Variants in PPP5C observed in about 807,000 individuals in gnomAD.
PPP5C encodes the protein protein phosphatase 5 catalytic subunit, also known as serine/threonine-protein phosphatase 5.
A neutral mutation model predicts 66.7 loss-of-function variants in PPP5C; 21 were observed. The ratio of observed to expected loss-of-function variants is 0.31; its 90% CI spans 0.22 to 0.45. The LOEUF (loss-of-function observed/expected upper bound fraction) is 0.45, where lower values mean the gene tolerates loss of function less well. PPP5C is among the 20% of genes least tolerant of loss of function. The pLI is 1.00. For missense variants in PPP5C, 464 were observed against 675.9 expected, an observed-to-expected ratio of 0.69 and a Z score of 3.48; for synonymous variants, 246 against 257.4, an observed-to-expected ratio of 0.96 and a Z score of 0.43.
chr19:46,361,589 TAAAAAAA>T (rs935838226), intron 2 of PPP5C, among the ~76,000 whole-genome samples: 22 of 85,272 alleles, frequency 2.6e-4, no homozygotes, highest in South Asian at 9.0e-4. Context: ...TACTAAAAAT[TAAAAAAA>T]AAAAAAAAAA....
intron 2 of PPP5C, among the ~76,000 whole-genome samples, chr19:46,357,976 G>A (rs2147367279): frequency 6.6e-6 from 1 of 152,266 alleles, no homozygotes; most frequent in African/African-American, 2.4e-5. Flanking sequence ...GTTGGAGGGT[G>A]GGGCTGAAAC....
chr19:46,390,302 C>T lies in PPP5C; in HGVS notation c.1456C>T (p.Pro486Ser). 6.3e-7 allele frequency: 1 copy of T among 1,590,848 alleles called. No homozygotes were observed. The highest frequency in any genetic ancestry group is 8.6e-7 in the Non-Finnish European group (1 of 1,168,492). Residue 486 changes from proline (P) to serine (S), a missense_variant, in exon 13 of 13, where the codon CCC becomes TCC. Around this residue, in one of 2 missense-constraint regions of PPP5C, gnomAD observed 387 missense variants for 626.0 expected, o/e 0.62. Transcript: ENST00000012443. ...FTAVPHPNVK[P>S]MAYANTLLQL... ...CCCACAGCCTCATCCCAACGTCAAGCCCATGGCCTATGCCAACACGCTGCT... is the reference window on the plus strand; with the variant it reads ...CCCACAGCCTCATCCCAACGTCAAGTCCATGGCCTATGCCAACACGCTGCT...
intron 2 of PPP5C, among the ~76,000 whole-genome samples, chr19:46,365,348 C>A (rs1365896775): frequency 6.6e-6 from 1 of 151,614 alleles, no homozygotes; most frequent in Non-Finnish European, 1.5e-5. Flanking sequence ...AAATGCCTGA[C>A]CTCAAGTGAT....
At chr19:46,373,341 C>T (rs1972629323) in intron 2 of PPP5C, among the ~76,000 whole-genome samples, 1 of 152,214 alleles carries the variant, frequency 6.6e-6, no homozygotes, top group African/African-American at 2.4e-5. Context: ...GGGTGGGTGA[C>T]TTCACCTCCC....
chr19:46,361,468 C>T (rs1456645331), intron 2 of PPP5C, among the ~76,000 whole-genome samples: 3 of 147,682 alleles, frequency 2.0e-5, no homozygotes, highest in Non-Finnish European at 3.0e-5. Flanking sequence ...CTACACCAGC[C>T]GGGCATGGTG....
chr19:46,357,754 T>C (rs1274536977), intron 2 of PPP5C, among the ~76,000 whole-genome samples: 2 of 152,216 alleles, frequency 1.3e-5, no homozygotes. Context: ...ACAGATGAGA[T>C]GCGCAGAGCA....
At chr19:46,361,651 C>G (rs12459580) in intron 2 of PPP5C, among the ~76,000 whole-genome samples, 79,253 of 146,924 alleles carry the variant, frequency 0.54, 21,544 homozygotes, top group South Asian at 0.74. Context: ...TGTAGTCCCA[C>G]CTACTCGGGA....
Position 46,349,290 on chromosome 19 carries a change from GA to G in PPP5C, c.121+2084del, listed in dbSNP as rs941979283. Among the ~76,000 whole-genome samples the G allele has an allele frequency of 7.1e-4, 102 of 142,790 alleles. 1 individual carries two copies. The highest frequency in any genetic ancestry group is 2.7e-3 in the Admixed American group (39 of 14,308). The allele number at this position is 142,790 out of a possible 152,430, so 93.7% of individuals were successfully genotyped here. A position where few individuals can be genotyped will look rare whatever the true frequency, so the allele number is the denominator to read the frequency against. On this transcript the variant is annotated intron_variant, in intron 1 of 12. Coordinates refer to ENST00000012443, the MANE Select transcript of PPP5C (RefSeq NM_006247.4). Reference sequence around the variant, plus strand: ...GCCTGGGCAACAGACTCCGTCTCAAGAAAAAAAAAAAGAGAGAAGATGCAGT... The same window carrying G: ...GCCTGGGCAACAGACTCCGTCTCAAGAAAAAAAAAAGAGAGAAGATGCAGT...
intron 6 of PPP5C, 177 bp from the exon 7 acceptor site, chr19:46,384,627 G>C: frequency 1.7e-6 from 1 of 574,462 alleles, no homozygotes; most frequent in Non-Finnish European, 3.2e-6. Flanking sequence ...GGTGAGGAAA[G>C]GATTAGAAAC....
chr19:46,387,553 C>T (rs1378369690), intron 9 of PPP5C, 100 bp downstream of exon 9: 103 of 1,598,828 alleles, frequency 6.4e-5, no homozygotes, highest in Non-Finnish European at 8.6e-5. Context: ...GCTTTGTGCC[C>T]TTGGCAAGAA....
chr19:46,370,204 A>T (rs539242257), intron 2 of PPP5C, among the ~76,000 whole-genome samples: 2 of 152,304 alleles, frequency 1.3e-5, no homozygotes, highest in South Asian at 4.1e-4. Flanking sequence ...AAACTTTCTC[A>T]CTTTGTTGTA....
intron 1 of PPP5C, among the ~76,000 whole-genome samples, chr19:46,352,586 C>T (rs1414662069): frequency 6.6e-6 from 1 of 152,012 alleles, no homozygotes; most frequent in Non-Finnish European, 1.5e-5. Flanking sequence ...TTTGGGAGGC[C>T]AAGGCAGGAG....
In PPP5C at chr19:46,390,697, A is replaced by C; in HGVS notation, c.*351A>C. On this transcript the variant is annotated 3_prime_UTR_variant, in exon 13 of 13. Coordinates refer to ENST00000012443, the MANE Select transcript of PPP5C (RefSeq NM_006247.4). Reference sequence around the variant, plus strand: ...CCCACTCAAGCAATAGGGCCCCGCCATAGGAAGACCCCCAGAGAGAGGGTC... The same window carrying C: ...CCCACTCAAGCAATAGGGCCCCGCCCTAGGAAGACCCCCAGAGAGAGGGTC... 2 of 1,195,374 alleles carry C rather than the reference A, an allele frequency of 1.7e-6. No homozygotes were observed. Among genetic ancestry groups the C allele is most frequent in the Non-Finnish European group, 2.1e-6 (2 of 949,936 alleles). The allele number at this position is 1,195,374 out of a possible 1,614,324, so 74.0% of individuals were successfully genotyped here.
chr19:46,371,919 A>G (rs934294016), intron 2 of PPP5C, among the ~76,000 whole-genome samples: 1 of 152,062 alleles, frequency 6.6e-6, no homozygotes, highest in Non-Finnish European at 1.5e-5. Context: ...TCCATGTGGG[A>G]TCTTGATGCT....
At chr19:46,350,354 C>T (rs1303381324) in intron 1 of PPP5C, among the ~76,000 whole-genome samples, 1 of 152,180 alleles carries the variant, frequency 6.6e-6, no homozygotes, top group African/African-American at 2.4e-5. Flanking sequence ...AGGTGGAATT[C>T]CCTGGGATGG....
At chr19:46,382,439 C>T (rs978784463) in intron 4 of PPP5C, 1 of 152,188 alleles carries the variant, frequency 6.6e-6, no homozygotes, top group Non-Finnish European at 1.5e-5. Flanking sequence ...AACTTTTCTA[C>T]CTTCTGACTA....
intron 2 of PPP5C, among the ~76,000 whole-genome samples, chr19:46,356,059 C>T (rs1268313884): frequency 6.6e-6 from 1 of 152,186 alleles, no homozygotes; most frequent in Admixed American, 6.5e-5. Context: ...CTCCCAACCC[C>T]GCATACTCCC....
In PPP5C at chr19:46,376,651, C is replaced by A; in HGVS notation, c.633+77C>A. ...AGCACTGCCAGCCGCGGGCACTGAG[C>A]AAAACGACAGGAGAAGGGCGGCCAT... On this transcript the variant is annotated intron_variant, in intron 4 of 12. Coordinates refer to ENST00000012443, the MANE Select transcript of PPP5C (RefSeq NM_006247.4). This position sits in a 1 kb window ranked among gnomAD's most constrained non-coding sequence, Gnocchi z 5.1. 4 of 1,559,874 alleles carry A rather than the reference C, an allele frequency of 2.6e-6. No individual in the cohort carries two copies. The highest frequency in any genetic ancestry group is 1.2e-5 in the South Asian group (1 of 83,692).
chr19:46,356,278 T>A (rs1459722829), intron 2 of PPP5C, among the ~76,000 whole-genome samples: 1 of 152,252 alleles, frequency 6.6e-6, no homozygotes, highest in Non-Finnish European at 1.5e-5. Context: ...AGGGCTTACC[T>A]GTCATCAGGC....
Sources: allele counts gnomAD v4.1 joint callset (sites outside exome capture counted in the v4.1 genomes callset), GRCh38; gene constraint gnomAD v4.1.1; regional missense constraint gnomAD v4.1.1; non-coding constraint Gnocchi (gnomAD v3.1); transcripts MANE v1.5; gene names NCBI Gene and HGNC (gene_info 2026-07-23, HGNC 2026-07-21).